The following STAG1 variants were observed in gnomAD, a reference collection of about 807,000 sequenced individuals.
STAG1 encodes the protein cohesin subunit SA-1.
Under a neutral mutation model 170.9 loss-of-function variants are expected in STAG1, and 26 were observed. The ratio of observed to expected loss-of-function variants is 0.15; its 90% CI spans 0.11 to 0.21. The LOEUF (loss-of-function observed/expected upper bound fraction) is 0.21, where lower values mean the gene tolerates loss of function less well. Ranked by LOEUF, STAG1 falls within the 10% of genes least tolerant of loss-of-function variation. The pLI is 1.00. For missense variants in STAG1, 964 were observed against 1,509.5 expected (o/e 0.64, Z 5.99); for synonymous variants, 514 against 497.7 (o/e 1.03, Z -0.44).
intron 4 of STAG1, among the ~76,000 whole-genome samples, chr3:136,573,743 C>T (rs1049536830): frequency 6.6e-6 from 1 of 152,080 alleles, no homozygotes; most frequent in African/African-American, 2.4e-5. Context: ...GAGGCCGAAG[C>T]GGGCGGATCA....
chr3:136,641,616 A>G (rs886094720), intron 1 of STAG1, among the ~76,000 whole-genome samples: 4 of 152,226 alleles, frequency 2.6e-5, no homozygotes, highest in Admixed American at 2.0e-4. Context: ...AGTATTCTTC[A>G]AAAGTGTCAA....
intron 9 of STAG1, among the ~76,000 whole-genome samples, chr3:136,495,835 G>C (rs1478575434): frequency 6.6e-6 from 1 of 151,978 alleles, no homozygotes; most frequent in East Asian, 1.9e-4. Context: ...CAGGCATGGT[G>C]GCAGGCGCCT....
At chr3:136,599,843 A>G (rs1469593984) in intron 4 of STAG1, among the ~76,000 whole-genome samples, 1 of 152,176 alleles carries the variant, frequency 6.6e-6, no homozygotes, top group Non-Finnish European at 1.5e-5. Flanking sequence ...TATTTTGTAT[A>G]AGACAGAATT....
At chr3:136,705,464 AC>A (rs1196491721) in intron 1 of STAG1, among the ~76,000 whole-genome samples, 1 of 151,416 alleles carries the variant, frequency 6.6e-6, no homozygotes, top group East Asian at 1.9e-4. Context: ...CTGTGTCCCC[AC>A]CCAGATCCTG....
rs777032446 is a variant in STAG1, at chr3:136,340,603, C to T, written c.3560G>A (p.Arg1187Gln). The T allele has an allele frequency of 5.0e-6, 8 of 1,604,290 alleles. No homozygotes were observed. The highest frequency in any genetic ancestry group is 1.6e-4 in the Middle Eastern group (1 of 6,064). The change falls in exon 32 of 34, where the codon CGG becomes CAG. Residue 1187 changes from arginine (R) to glutamine (Q), a missense_variant and splice_region_variant. Around this residue, in one of 11 missense-constraint regions of STAG1, gnomAD observed 59 missense variants for 104.2 expected, o/e 0.57. Coordinates refer to ENST00000383202, the MANE Select transcript of STAG1 (RefSeq NM_005862.3). Reference sequence around the variant, plus strand: ...CTCAGCATCTTCCTCCATTAGACCCCGACTGGTAAGAAAAAGGTATTGTCA... The same window carrying T: ...CTCAGCATCTTCCTCCATTAGACCCTGACTGGTAAGAAAAAGGTATTGTCA... ...KVRTGVRHAV[R>Q]GLMEEDAEPI...
chr3:136,490,795 T>G lies in STAG1; in HGVS notation c.902+9428A>C, dbSNP rs542755608. On this transcript the variant is annotated intron_variant, in intron 9 of 33. Transcript: ENST00000383202. Reference sequence around the variant, plus strand: ...AAAGGATGAAAAGACTCAACTAGTCTTAAAGACATCTGTTTTTCATCTTCT... The same window carrying G: ...AAAGGATGAAAAGACTCAACTAGTCGTAAAGACATCTGTTTTTCATCTTCT... 6.6e-5 allele frequency among the ~76,000 whole-genome samples: 10 copies of G among 152,346 alleles called. No individual in the cohort carries two copies. The South Asian group carries it at 2.1e-3, about 32-fold the overall frequency.
At chr3:136,490,832 A>G (rs932260354) in intron 9 of STAG1, among the ~76,000 whole-genome samples, 28 of 152,316 alleles carry the variant, frequency 1.8e-4, no homozygotes, top group African/African-American at 6.3e-4. Context: ...AAAAGTACTT[A>G]AATCTGTCCT....
At chr3:136,646,821 G>A (rs960831288) in intron 1 of STAG1, among the ~76,000 whole-genome samples, 11 of 151,898 alleles carry the variant, frequency 7.2e-5, no homozygotes, top group South Asian at 2.1e-4. Context: ...CAGGAGAATC[G>A]CTTGAACTGG....
intron 1 of STAG1, among the ~76,000 whole-genome samples, chr3:136,638,898 T>C (rs1421873696): frequency 6.6e-6 from 1 of 152,136 alleles, no homozygotes; most frequent in Non-Finnish European, 1.5e-5. Context: ...GGAGACTCTG[T>C]CCGTCTCTAA....
At chr3:136,630,590 A>T (rs1014469934) in intron 2 of STAG1, among the ~76,000 whole-genome samples, 2 of 152,266 alleles carry the variant, frequency 1.3e-5, no homozygotes, top group African/African-American at 2.4e-5. Flanking sequence ...AAGAGACAAC[A>T]TGCCATATTT....
chr3:136,435,303 T>C (rs2088425888), intron 15 of STAG1, among the ~76,000 whole-genome samples: 1 of 152,186 alleles, frequency 6.6e-6, no homozygotes, highest in African/African-American at 2.4e-5. Flanking sequence ...AGATAGGAAC[T>C]AATATCCTCA....
chr3:136,653,136 G>C (rs1016980109), intron 1 of STAG1, among the ~76,000 whole-genome samples: 1 of 152,102 alleles, frequency 6.6e-6, no homozygotes. Context: ...GCCAGGCGTG[G>C]TGGTGTATGT....
At chr3:136,359,364 G>T in intron 26 of STAG1, 68 bp from the exon 27 acceptor site, 1 of 1,185,914 alleles carries the variant, frequency 8.4e-7, no homozygotes, top group South Asian at 1.8e-5. Context: ...TTCAGAATAG[G>T]TAATTAAAAA....
chr3:136,478,939 T>C (rs1050427083), intron 9 of STAG1, among the ~76,000 whole-genome samples: 5 of 152,040 alleles, frequency 3.3e-5, no homozygotes, highest in African/African-American at 1.2e-4. Flanking sequence ...AAAATAGTGG[T>C]AATAATACCA....
chr3:136,690,108 A>G (rs1224972945), intron 1 of STAG1, among the ~76,000 whole-genome samples: 1 of 150,714 alleles, frequency 6.6e-6, no homozygotes, highest in African/African-American at 2.4e-5. Flanking sequence ...AAAGTCTAAG[A>G]GTTAGTCTAA....
chr3:136,385,000 C>T (rs554793082), intron 22 of STAG1, among the ~76,000 whole-genome samples: 74 of 152,270 alleles, frequency 4.9e-4, no homozygotes, highest in Middle Eastern at 6.8e-3. Flanking sequence ...GGAACTGAAG[C>T]TAATGGGTGA....
chr3:136,451,897 T>C (rs1328420142), intron 14 of STAG1, 136 bp downstream of exon 14: 1 of 605,620 alleles, frequency 1.7e-6, no homozygotes, highest in Non-Finnish European at 2.8e-6. Flanking sequence ...GGACTGATTC[T>C]ATATCATGCA....
intron 16 of STAG1, among the ~76,000 whole-genome samples, chr3:136,430,495 A>T (rs999251703): frequency 1.3e-5 from 2 of 151,984 alleles, no homozygotes; most frequent in African/African-American, 4.8e-5. Flanking sequence ...TATAATCTCA[A>T]CACTATAGTG....
chr3:136,698,939 G>A (rs1345027504), intron 1 of STAG1, among the ~76,000 whole-genome samples: 7 of 152,184 alleles, frequency 4.6e-5, no homozygotes, highest in Admixed American at 3.9e-4. Flanking sequence ...AGAGGCCATT[G>A]TTCTAAGTGA....
Sources: gnomAD v4.1 joint callset for allele counts (sites outside exome capture counted in the v4.1 genomes callset) on GRCh38, gnomAD v4.1.1 for gene constraint, gnomAD v4.1.1 regional missense constraint, MANE v1.5 for transcripts, NCBI Gene and HGNC (gene_info 2026-07-23, HGNC 2026-07-21) for gene names.